PCDHGA4: variants seen among roughly 807,000 people sequenced by gnomAD.
PCDHGA4 encodes the protein protocadherin gamma-A4.
Under a neutral mutation model 54.6 loss-of-function variants are expected in PCDHGA4, and 38 were observed. The observed-to-expected ratio is 0.70, with a 90% CI of 0.54 to 0.91. The LOEUF is 0.91. Among genes scored for constraint, PCDHGA4 ranks in the 40% least tolerant of loss-of-function variants. The pLI, the probability that PCDHGA4 is intolerant of heterozygous loss-of-function variation, is 0.00. For synonymous variants in PCDHGA4, 511 were observed against 512.9 expected (o/e 1.00, Z 0.05); for missense variants, 1,298 against 1,220.9 (o/e 1.06, Z -0.94).
chr5:141,414,375 G>C, intron 1 of PCDHGA4: 1 of 1,613,854 alleles, frequency 6.2e-7, no homozygotes, highest in Non-Finnish European at 8.5e-7. Flanking sequence ...AATTAGAAAA[G>C]TCCATTGACA....
At chr5:141,360,192 C>G (rs754322623) in intron 1 of PCDHGA4, 2 of 1,611,798 alleles carry the variant, frequency 1.2e-6, no homozygotes, top group Non-Finnish European at 1.7e-6. Context: ...TACTGTTGCC[C>G]TTCCTGTTGT....
chr5:141,459,084 A>T (rs2098960410), intron 1 of PCDHGA4, among the ~76,000 whole-genome samples: 2 of 152,204 alleles, frequency 1.3e-5, no homozygotes, highest in Non-Finnish European at 2.9e-5. Flanking sequence ...TGCCTTTTAA[A>T]ATTATACAGT....
intron 1 of PCDHGA4, chr5:141,419,118 T>C: frequency 6.2e-7 from 1 of 1,613,806 alleles, no homozygotes; most frequent in South Asian, 1.1e-5. Context: ...GAGTACAACG[T>C]CACCATCGCA....
chr5:141,421,227 C>T (rs1387397967), intron 1 of PCDHGA4: 1 of 1,587,020 alleles, frequency 6.3e-7, no homozygotes, highest in Non-Finnish European at 8.6e-7. Context: ...TAGAGCCTGC[C>T]ATGGCGAATC....
chr5:141,408,055 C>T lies in PCDHGA4; in HGVS notation c.2514+50434C>T, dbSNP rs1012762205. 35 of 1,299,012 alleles carry T rather than the reference C, an allele frequency of 2.7e-5. No homozygotes were observed. In the South Asian group the frequency reaches 3.8e-4, roughly 14 times the overall value. 80.5% of individuals were successfully genotyped at this position (1,299,012 alleles called of 1,614,324 possible). On this transcript the variant is annotated intron_variant, in intron 1 of 3. Coordinates refer to ENST00000571252, the MANE Select transcript of PCDHGA4 (RefSeq NM_018917.4). ...AAAACCAGCTCCCACACAGAGCCTCCCGGCTGCGCAGACCTTTCCCAGCAC... is the reference window on the plus strand; with the variant it reads ...AAAACCAGCTCCCACACAGAGCCTCTCGGCTGCGCAGACCTTTCCCAGCAC...
intron 1 of PCDHGA4, chr5:141,404,379 C>T (rs548569433): frequency 6.2e-7 from 1 of 1,613,940 alleles, no homozygotes; most frequent in African/African-American, 1.3e-5. Flanking sequence ...TCCGTGATTG[C>T]CTATGACCCT....
chr5:141,429,487 C>G (rs2097218311), intron 1 of PCDHGA4, among the ~76,000 whole-genome samples: 1 of 151,822 alleles, frequency 6.6e-6, no homozygotes, highest in Non-Finnish European at 1.5e-5. Flanking sequence ...GTAGCTGAGA[C>G]TACAGTTGCC....
At chr5:141,414,790 A>G (rs1190584746) in intron 1 of PCDHGA4, 1 of 1,614,226 alleles carries the variant, frequency 6.2e-7, no homozygotes, top group South Asian at 1.1e-5. Context: ...GGTGACAGCC[A>G]GCGACAGCGG....
In PCDHGA4 at chr5:141,432,177, CTG is replaced by C. The variant is rs769631339; in HGVS notation, c.2515-62627_2515-62626del. 4 of 1,614,102 alleles carry C rather than the reference CTG, an allele frequency of 2.5e-6. No homozygotes were observed. Among genetic ancestry groups the C allele is most frequent in the Admixed American group, 1.7e-5 (1 of 60,012 alleles). ...AATCCCAGAGGAGTTTCCCTCGTCT[CTG>C]TGACCGCCCACGACCCCGACTGTGA... On this transcript the variant is annotated intron_variant, in intron 1 of 3. Transcript: ENST00000571252. The surrounding 1 kb of genome is among the most constrained non-coding windows in gnomAD (Gnocchi z 6.0).
At chr5:141,364,941 A>C in intron 1 of PCDHGA4, 1 of 1,613,952 alleles carries the variant, frequency 6.2e-7, no homozygotes, top group Non-Finnish European at 8.5e-7. Flanking sequence ...GACCGCGAGA[A>C]AGAGACTGTT....
At chr5:141,405,018 T>C (rs1413977666) in intron 1 of PCDHGA4, 5 of 1,613,834 alleles carry the variant, frequency 3.1e-6, no homozygotes, top group African/African-American at 2.7e-5. Context: ...GCCTCAGACC[T>C]TACCCTCTAC....
In PCDHGA4 at chr5:141,384,438, C is replaced by G. The variant is rs758290868; in HGVS notation, c.2514+26817C>G. The G allele has an allele frequency of 4.6e-5, 74 of 1,613,902 alleles. No homozygotes were observed. In the South Asian group the frequency reaches 7.5e-4, roughly 16 times the overall value. Reference sequence around the variant, plus strand: ...TCTCCATAAACTCTGACACTGGAGTCCTGTACGCGCTGCAATCCTTTGATT... The same window carrying G: ...TCTCCATAAACTCTGACACTGGAGTGCTGTACGCGCTGCAATCCTTTGATT... On this transcript the variant is annotated intron_variant, in intron 1 of 3. Coordinates refer to ENST00000571252, the MANE Select transcript of PCDHGA4 (RefSeq NM_018917.4).
Position 141,491,095 on chromosome 5 carries a change from T to C in PCDHGA4, c.2515-3712T>C, listed in dbSNP as rs1366401829. On this transcript the variant is annotated intron_variant, in intron 1 of 3. Coordinates refer to ENST00000571252, the MANE Select transcript of PCDHGA4 (RefSeq NM_018917.4). The surrounding 1 kb of genome is among the most constrained non-coding windows in gnomAD (Gnocchi z 6.9). ...GCCACAGTCCACAGCCCCAGGACTG[T>C]TCCTCGTGTCTACACACACTGGTGA... The C allele has an allele frequency of 3.7e-6, 6 of 1,614,154 alleles. No homozygotes were observed. The highest frequency in any genetic ancestry group is 4.2e-6 in the Non-Finnish European group (5 of 1,180,014).
At chr5:141,394,112 C>G (rs771784855) in intron 1 of PCDHGA4, 9 of 1,613,946 alleles carry the variant, frequency 5.6e-6, no homozygotes, top group African/African-American at 2.7e-5. Flanking sequence ...CACCTCTGTC[C>G]ACTGAAACTC....
intron 1 of PCDHGA4, among the ~76,000 whole-genome samples, chr5:141,446,758 C>A (rs776925316): frequency 6.6e-6 from 1 of 152,326 alleles, no homozygotes; most frequent in Non-Finnish European, 1.5e-5. Flanking sequence ...TGAGCCACCG[C>A]GCCCAGCCGG....
At chr5:141,427,912 A>G in intron 1 of PCDHGA4, 1 of 1,577,806 alleles carries the variant, frequency 6.3e-7, no homozygotes, top group East Asian at 2.2e-5. Flanking sequence ...CTCAGCGCCA[A>G]CATGAGCCGG....
chr5:141,484,426 C>T (rs377504062), intron 1 of PCDHGA4, among the ~76,000 whole-genome samples: 1 of 152,188 alleles, frequency 6.6e-6, no homozygotes, highest in African/African-American at 2.4e-5. Context: ...ACAATGAGAA[C>T]ATGTACTGCA....
At position 141,357,442 on chromosome 5, in the gene PCDHGA4, G is replaced by T. The variant is rs1247246465; in HGVS notation, c.2335G>T (p.Ala779Ser). ...SHFVGVDGVR[A>S]FLQTYSHEVS... Reference sequence around the variant, plus strand: ...CTTTGTGGGCGTGGACGGGGTTCGGGCTTTCCTGCAGACCTATTCCCACGA... The same window carrying T: ...CTTTGTGGGCGTGGACGGGGTTCGGTCTTTCCTGCAGACCTATTCCCACGA... The change falls in exon 1 of 4, where the codon GCT (alanine) becomes TCT (serine). Residue 779 changes from alanine (A) to serine (S), a missense_variant. Coordinates refer to ENST00000571252, the MANE Select transcript of PCDHGA4 (RefSeq NM_018917.4). 6 of 1,614,092 alleles carry T rather than the reference G, an allele frequency of 3.7e-6. No individual in the cohort carries two copies. In the East Asian group the frequency reaches 1.3e-4, roughly 36 times the overall value.
intron 1 of PCDHGA4, among the ~76,000 whole-genome samples, chr5:141,484,084 T>A (rs1030166144): frequency 3.3e-5 from 5 of 152,174 alleles, no homozygotes; most frequent in African/African-American, 4.8e-5. Flanking sequence ...TCTTTTGAAA[T>A]GGTCTTCGTT....
Sources: gnomAD v4.1 joint callset for allele counts (sites outside exome capture counted in the v4.1 genomes callset) on GRCh38, gnomAD v4.1.1 for gene constraint, Gnocchi (gnomAD v3.1) non-coding constraint, MANE v1.5 for transcripts, NCBI Gene and HGNC (gene_info 2026-07-23, HGNC 2026-07-21) for gene names.